The following GOLPH3 variants were observed in gnomAD, a reference collection of about 807,000 sequenced individuals.
GOLPH3 encodes golgi phosphoprotein 3, also known as coat protein GPP34.
A neutral mutation model predicts 28.5 loss-of-function variants in GOLPH3; 14 were observed. The ratio of observed to expected loss-of-function variants is 0.49; its 90% CI spans 0.32 to 0.77. GOLPH3 has a LOEUF of 0.77. Ranked by LOEUF, GOLPH3 falls within the 30% of genes least tolerant of loss-of-function variation. GOLPH3 has a pLI of 0.03. For missense variants in GOLPH3, 350 were observed against 393.7 expected (o/e 0.89, Z 0.94); for synonymous variants, 158 against 159.2 (o/e 0.99, Z 0.06).
At chr5:32,136,850 A>G (rs1020402975) in intron 2 of GOLPH3, among the ~76,000 whole-genome samples, 4 of 152,252 alleles carry the variant, frequency 2.6e-5, no homozygotes, top group African/African-American at 9.6e-5. Flanking sequence ...TAGGATACTC[A>G]ATCTTATATT....
chr5:32,170,165 A>G (rs1746799936), intron 1 of GOLPH3, among the ~76,000 whole-genome samples: 1 of 152,198 alleles, frequency 6.6e-6, no homozygotes, highest in Admixed American at 6.6e-5. Flanking sequence ...AGAACAAAGG[A>G]CAATCTCACA....
At chr5:32,151,937 G>A (rs879045140) in intron 1 of GOLPH3, among the ~76,000 whole-genome samples, 2 of 152,160 alleles carry the variant, frequency 1.3e-5, no homozygotes, top group Non-Finnish European at 2.9e-5. Context: ...AGAGACAGTG[G>A]TTCCCAGGGA....
chr5:32,142,288 CG>C (rs1746086849), intron 2 of GOLPH3, among the ~76,000 whole-genome samples: 10 of 151,250 alleles, frequency 6.6e-5, no homozygotes. Flanking sequence ...CATCTCTGCC[CG>C]GACGCCCCGT....
At chr5:32,164,573 T>G (rs895638047) in intron 1 of GOLPH3, among the ~76,000 whole-genome samples, 1 of 151,744 alleles carries the variant, frequency 6.6e-6, no homozygotes, top group Non-Finnish European at 1.5e-5. Context: ...TCTTTGTATT[T>G]TTTTAGTACA....
At position 32,134,468 on chromosome 5, in the gene GOLPH3, C is replaced by T. The variant is rs149666075; in HGVS notation, c.472+1104G>A. On this transcript the variant is annotated intron_variant, in intron 3 of 3. Transcript: ENST00000265070. ...AGGAGATTCACCCGCCTCAGCCTCC[C>T]AAAGTACTGGGATTACAGTAATGAG... Among the ~76,000 whole-genome samples the T allele has an allele frequency of 3.4e-3, 517 of 150,256 alleles. 16 individuals are homozygous for T. The East Asian group carries it at 0.068, about 20-fold the overall frequency.
At chr5:32,131,396 A>G (rs545470488) in intron 3 of GOLPH3, among the ~76,000 whole-genome samples, 2 of 152,386 alleles carry the variant, frequency 1.3e-5, no homozygotes, top group South Asian at 2.1e-4. Flanking sequence ...AGACATCAGT[A>G]TAAGTGGGAT....
intron 2 of GOLPH3, among the ~76,000 whole-genome samples, chr5:32,141,633 G>C (rs537102430): frequency 5.3e-5 from 8 of 152,018 alleles, no homozygotes; most frequent in African/African-American, 1.9e-4. Context: ...CTCTTTCCAC[G>C]GTCTCCCTCT....
intron 3 of GOLPH3, among the ~76,000 whole-genome samples, chr5:32,130,263 C>CTAGTGTCT (rs1745796036): frequency 6.6e-6 from 1 of 152,146 alleles, no homozygotes; most frequent in African/African-American, 2.4e-5. Context: ...GCCTAAGACA[C>CTAGTGTCT]TAGGCTGGAA....
At chr5:32,149,137 G>A (rs642354) in intron 1 of GOLPH3, among the ~76,000 whole-genome samples, 5,037 of 152,282 alleles carry the variant, frequency 0.033, 288 homozygotes, top group African/African-American at 0.12. Flanking sequence ...AGAAGCTACT[G>A]GCCATTGGGT....
chr5:32,148,580 G>A (rs1248485658), intron 1 of GOLPH3, among the ~76,000 whole-genome samples: 12 of 152,122 alleles, frequency 7.9e-5, no homozygotes, highest in African/African-American at 2.7e-4. Flanking sequence ...GGCAGATCAC[G>A]ATGTCAGGAG....
chr5:32,148,333 G>A (rs1366100829), intron 1 of GOLPH3, among the ~76,000 whole-genome samples: 1 of 152,110 alleles, frequency 6.6e-6, no homozygotes. Context: ...AACATACTAC[G>A]TTATATGAAT....
intron 3 of GOLPH3, among the ~76,000 whole-genome samples, chr5:32,130,736 T>C (rs1251293532): frequency 6.6e-6 from 1 of 152,202 alleles, no homozygotes; most frequent in Non-Finnish European, 1.5e-5. Flanking sequence ...CACATCCCTC[T>C]AATGCTGTTC....
chr5:32,173,560 C>A (rs1746895853), intron 1 of GOLPH3, among the ~76,000 whole-genome samples: 1 of 152,116 alleles, frequency 6.6e-6, no homozygotes, highest in Non-Finnish European at 1.5e-5. Context: ...ATGAAAGGAG[C>A]GACTGTGAAA....
At chr5:32,141,523 T>G (rs1475780521) in intron 2 of GOLPH3, among the ~76,000 whole-genome samples, 1 of 152,236 alleles carries the variant, frequency 6.6e-6, no homozygotes, top group African/African-American at 2.4e-5. Flanking sequence ...ATAACACTTC[T>G]GAGTTTTTAA....
At chr5:32,163,269 A>T (rs998300246) in intron 1 of GOLPH3, among the ~76,000 whole-genome samples, 1 of 152,238 alleles carries the variant, frequency 6.6e-6, no homozygotes, top group Non-Finnish European at 1.5e-5. Context: ...ACATACTCCC[A>T]TAAAAGTTAG....
Position 32,174,210 on chromosome 5 carries a change from G to A in GOLPH3, c.-176C>T, listed in dbSNP as rs1746922856. 1 of 390,802 alleles carries A rather than the reference G, an allele frequency of 2.6e-6. No individual in the cohort carries two copies. Among genetic ancestry groups the A allele is most frequent in the Non-Finnish European group, 4.4e-6 (1 of 225,612 alleles). 24.2% of individuals were successfully genotyped at this position (390,802 alleles called of 1,614,324 possible). ...GAGGAAACAGGTCAGGGCGAAGCGG[G>A]CTGGCCGGGCGTCGGCGGGGCAGGA... On this transcript the variant is annotated 5_prime_UTR_variant, in exon 1 of 4. Coordinates refer to ENST00000265070, the MANE Select transcript of GOLPH3 (RefSeq NM_022130.4).
chr5:32,165,519 G>A (rs141978491), intron 1 of GOLPH3, among the ~76,000 whole-genome samples: 4,752 of 152,104 alleles, frequency 0.031, 146 homozygotes, highest in East Asian at 0.16. Context: ...GGAGGCAGAG[G>A]TTGAAGTGAG....
At chr5:32,145,179 G>A (rs542723801) in intron 1 of GOLPH3, among the ~76,000 whole-genome samples, 14 of 152,242 alleles carry the variant, frequency 9.2e-5, no homozygotes, top group East Asian at 1.9e-4. Flanking sequence ...AGTTAAATTC[G>A]CCTCACCAAG....
At chr5:32,171,905 G>A (rs1746845270) in intron 1 of GOLPH3, among the ~76,000 whole-genome samples, 2 of 151,598 alleles carry the variant, frequency 1.3e-5, no homozygotes, top group East Asian at 1.9e-4. Flanking sequence ...CCCAGATGGC[G>A]CCACTGCACT....
Sources: gnomAD v4.1 joint callset for allele counts (sites outside exome capture counted in the v4.1 genomes callset) on GRCh38, gnomAD v4.1.1 for gene constraint, MANE v1.5 for transcripts, NCBI Gene and HGNC (gene_info 2026-07-23, HGNC 2026-07-21) for gene names.